DYNLT4: variants seen among roughly 807,000 people sequenced by gnomAD.
The protein encoded by DYNLT4 is dynein light chain Tctex-type 4.
DYNLT4 carries 3 observed loss-of-function variants against 1.5 expected under a neutral mutation model. That is an observed-to-expected ratio of 1.97 (90% CI 0.90 to 5.08). The LOEUF (loss-of-function observed/expected upper bound fraction) is 5.08, where lower values mean the gene tolerates loss of function less well. Among genes scored for constraint, DYNLT4 ranks in the 30% most tolerant of loss-of-function variants. The pLI, the probability that DYNLT4 is intolerant of heterozygous loss-of-function variation, is 0.02. For missense variants in DYNLT4, 346 were observed against 341.0 expected (o/e 1.01, Z -0.12); for synonymous variants, 181 against 160.0 (o/e 1.13, Z -0.99).
chr1:44,807,064 C>G lies in DYNLT4; in HGVS notation c.-66-226G>C, dbSNP rs1387176661. ...TGGACTGTGGAGGCAGAGCCTCCAA[C>G]CCCTAACCAGGAAGGACTGACAGAC... On this transcript the variant is annotated intron_variant, in intron 1 of 2. Coordinates refer to ENST00000339355, the MANE Select transcript of DYNLT4 (RefSeq NM_001377534.1). The G allele has an allele frequency of 3.0e-6, 3 of 985,280 alleles. No individual in the cohort carries two copies. The African/African-American group carries it at 5.2e-5, about 17-fold the overall frequency. 61.0% of individuals were successfully genotyped at this position (985,280 alleles called of 1,614,324 possible).
Position 44,806,591 on chromosome 1 carries a change from C to G in DYNLT4, c.78G>C (p.Val26=), listed in dbSNP as rs1407400268. ...AKDSGRKPSP[V]RPRGCLPSID... Reference sequence around the variant, plus strand: ...TGCTGGGCAGGCAGCCTCGGGGCCGCACCGGTGAGGGTTTCCGCCCGGAGT... The same window carrying G: ...TGCTGGGCAGGCAGCCTCGGGGCCGGACCGGTGAGGGTTTCCGCCCGGAGT... The change falls in exon 3 of 3, where the codon GTG becomes GTC. Residue 26 remains valine, a synonymous_variant. Coordinates refer to ENST00000339355, the MANE Select transcript of DYNLT4 (RefSeq NM_001377534.1). The G allele has an allele frequency of 5.4e-6, 8 of 1,489,338 alleles. No individual in the cohort carries two copies. The highest frequency in any genetic ancestry group is 7.1e-6 in the Non-Finnish European group (8 of 1,122,512). The allele number at this position is 1,489,338 out of a possible 1,614,324, so 92.3% of individuals were successfully genotyped here. A position where few individuals can be genotyped will look rare whatever the true frequency, so the allele number is the denominator to read the frequency against.
intron 1 of DYNLT4, 138 bp downstream of exon 1, chr1:44,807,187 T>G: frequency 5.2e-6 from 5 of 968,734 alleles, no homozygotes; most frequent in African/African-American, 1.8e-5. Flanking sequence ...CACAAAGATC[T>G]CCCCTACACC....
chr1:44,806,219 C>A lies in DYNLT4; in HGVS notation c.450G>T (p.Arg150=), dbSNP rs769272205. 5 of 1,535,806 alleles carry A rather than the reference C, an allele frequency of 3.3e-6. No individual in the cohort carries two copies. In the East Asian group the frequency reaches 1.2e-4, roughly 38 times the overall value. Residue 150 remains arginine (R), a synonymous_variant, in exon 3 of 3, where the codon CGG becomes CGT. Coordinates refer to ENST00000339355, the MANE Select transcript of DYNLT4 (RefSeq NM_001377534.1). The part of the protein sequence containing the change: ...YSSDEAARLV[R]ELCEQVHVRL... ...GAACGTGCACCTGCTCGCAGAGCTCCCGCACCAGCCGCGCGGCCTCGTCGC... is the reference window on the plus strand; with the variant it reads ...GAACGTGCACCTGCTCGCAGAGCTCACGCACCAGCCGCGCGGCCTCGTCGC...
chr1:44,806,493 G>A lies in DYNLT4; in HGVS notation c.176C>T (p.Ala59Val), dbSNP rs746024768. 2.0e-6 allele frequency: 3 copies of A among 1,511,736 alleles called. No homozygotes were observed. Among genetic ancestry groups the A allele is most frequent in the Non-Finnish European group, 2.6e-6 (3 of 1,136,698 alleles). 93.6% of individuals were successfully genotyped at this position (1,511,736 alleles called of 1,614,324 possible). Reference sequence around the variant, plus strand: ...CAGCGAGTTGCGGCGGGAGAAGGACGCGGCCAGGCCCAGCATGGAGCCCCG... The same window carrying A: ...CAGCGAGTTGCGGCGGGAGAAGGACACGGCCAGGCCCAGCATGGAGCCCCG... Reference protein sequence around the residue: ...SRRGSMLGLAASFSRRNSLVG... With the variant: ...SRRGSMLGLAVSFSRRNSLVG... The change falls in exon 3 of 3, where the codon GCG becomes GTG. Residue 59 changes from alanine to valine, a missense_variant. Transcript: ENST00000339355.
At position 44,806,034 on chromosome 1, in the gene DYNLT4, A is replaced by C; in HGVS notation, c.635T>G (p.Val212Gly). 1 of 1,574,876 alleles carries C rather than the reference A, an allele frequency of 6.3e-7. No homozygotes were observed. The highest frequency in any genetic ancestry group is 8.6e-7 in the Non-Finnish European group (1 of 1,157,228). ...GCAGTAGAGCCCGTGGACCGTGGCC[A>C]CCGCGAAGAGCGAGGTGTTGGTGTA... ...VSYTNTSLFAVATVHGLYCE is the reference protein window; with the variant it reads ...VSYTNTSLFAGATVHGLYCE The change falls in exon 3 of 3, where the codon GTG becomes GGG. Residue 212 changes from valine (V) to glycine (G), a missense_variant. Val to Gly is a moderately radical substitution (Grantham distance 109). Coordinates refer to ENST00000339355, the MANE Select transcript of DYNLT4 (RefSeq NM_001377534.1).
chr1:44,806,518 G>A lies in DYNLT4; in HGVS notation c.151C>T (p.Arg51Trp), dbSNP rs1019287691. The A allele has an allele frequency of 4.0e-6, 6 of 1,497,912 alleles. No individual in the cohort carries two copies. Among genetic ancestry groups the A allele is most frequent in the East Asian group, 5.2e-5 (2 of 38,664 alleles). The allele number at this position is 1,497,912 out of a possible 1,614,324, so 92.8% of individuals were successfully genotyped here. A position where few individuals can be genotyped will look rare whatever the true frequency, so the allele number is the denominator to read the frequency against. The change falls in exon 3 of 3, where the codon CGG (arginine) becomes TGG (tryptophan). Residue 51 changes from arginine to tryptophan, a missense_variant. Transcript: ENST00000339355. ...GCGGCCAGGCCCAGCATGGAGCCCC[G>A]GCGCGAGGCCGGGGCTGGACCTGGA... ...AGPGPAPASRRGSMLGLAASF... is the reference protein window; with the variant it reads ...AGPGPAPASRWGSMLGLAASF...
At position 44,806,163 on chromosome 1, in the gene DYNLT4, T is replaced by C; in HGVS notation, c.506A>G (p.Lys169Arg). The C allele has an allele frequency of 2.5e-6, 4 of 1,581,080 alleles. No homozygotes were observed. Among genetic ancestry groups the C allele is most frequent in the Non-Finnish European group, 3.4e-6 (4 of 1,166,016 alleles). The part of the protein sequence containing the change: ...RLRELSPPRY[K>R]LVCSVVLGPR... ...CCCCAGCACCACACTGCATACCAGCTTGTAGCGTGGCGGGCTGAGCTCGCG... is the reference window on the plus strand; with the variant it reads ...CCCCAGCACCACACTGCATACCAGCCTGTAGCGTGGCGGGCTGAGCTCGCG... The change falls in exon 3 of 3, where the codon AAG becomes AGG. Residue 169 changes from lysine (K) to arginine (R), a missense_variant. Transcript: ENST00000339355.
In DYNLT4 at chr1:44,806,326, C is replaced by T. The variant is rs1162392094; in HGVS notation, c.343G>A (p.Gly115Arg). The stretch of plus-strand genomic sequence containing the variant: ...GCACGCGCAGCCTCCCAGCGCTCCC[C>T]GGGCACTGGCTCCGTGCGGTAGGAG... ...APSYRTEPVPGERWEAARAQR... is the reference protein window; with the variant it reads ...APSYRTEPVPRERWEAARAQR... The change falls in exon 3 of 3, where the codon GGG becomes AGG. Residue 115 changes from glycine to arginine, a missense_variant. Transcript: ENST00000339355. 6.0e-6 allele frequency: 9 copies of T among 1,491,374 alleles called. No individual in the cohort carries two copies. In the East Asian group the frequency reaches 7.8e-5, roughly 13 times the overall value. The allele number at this position is 1,491,374 out of a possible 1,614,324, so 92.4% of individuals were successfully genotyped here.
chr1:44,806,420 CG>C lies in DYNLT4; in HGVS notation c.248del (p.Pro83ArgfsTer175). On this transcript the variant is annotated frameshift_variant, in exon 3 of 3. Transcript: ENST00000339355. LOFTEE classifies it low-confidence loss of function (END_TRUNC). ...TGACCCTTGAGCCCAGAGGGGGCAC[CG>C]GGCCCAGGGATGGCCGCTGACCCCC... The part of the protein sequence containing the change: ...GPGGQRPSLG[P>X]VPPLGSRVSF... 2 of 1,515,784 alleles carry C rather than the reference CG, an allele frequency of 1.3e-6. No homozygotes were observed. The highest frequency in any genetic ancestry group is 8.8e-7 in the Non-Finnish European group (1 of 1,138,408). 93.9% of individuals were successfully genotyped at this position (1,515,784 alleles called of 1,614,324 possible). A position where few individuals can be genotyped will look rare whatever the true frequency, so the allele number is the denominator to read the frequency against.
At position 44,806,839 on chromosome 1, in the gene DYNLT4, C is replaced by G; in HGVS notation, c.-66-1G>C. 2 of 985,440 alleles carry G rather than the reference C, an allele frequency of 2.0e-6. No homozygotes were observed. The highest frequency in any genetic ancestry group is 2.4e-6 in the Non-Finnish European group (2 of 829,926). The allele number at this position is 985,440 out of a possible 1,614,324, so 61.0% of individuals were successfully genotyped here. The stretch of plus-strand genomic sequence containing the variant: ...CCCAGGCTGCCTGGGTTCCTAGGTG[C>G]TGAGAAGGTTAAAGGCTGTTAGACA... On this transcript the variant is annotated splice_acceptor_variant, in intron 1 of 2. Coordinates refer to ENST00000339355, the MANE Select transcript of DYNLT4 (RefSeq NM_001377534.1). LOFTEE classifies it low-confidence loss of function (5UTR_SPLICE).
At chr1:44,807,039 T>C (rs1206529954) in intron 1 of DYNLT4, 21 of 985,294 alleles carry the variant, frequency 2.1e-5, no homozygotes, top group Non-Finnish European at 2.5e-5. Flanking sequence ...TGCCTCAGCC[T>C]GGACTGTGGA....
In DYNLT4 at chr1:44,806,207, C is replaced by T. The variant is rs924604083; in HGVS notation, c.462G>A (p.Glu154=). ...EAARLVRELC[E]QVHVRLRELS... is the part of the protein sequence containing the mutation. ...GCTCGCGCAGGCGAACGTGCACCTG[C>T]TCGCAGAGCTCCCGCACCAGCCGCG... The change falls in exon 3 of 3, where the codon GAG becomes GAA. Residue 154 remains glutamate, a synonymous_variant. Coordinates refer to ENST00000339355, the MANE Select transcript of DYNLT4 (RefSeq NM_001377534.1). 67 of 1,541,886 alleles carry T rather than the reference C, an allele frequency of 4.3e-5. No homozygotes were observed. The highest frequency in any genetic ancestry group is 5.5e-5 in the Non-Finnish European group (63 of 1,147,636).
chr1:44,807,223 C>T, intron 1 of DYNLT4, 102 bp downstream of exon 1: 3 of 783,616 alleles, frequency 3.8e-6, no homozygotes, highest in Non-Finnish European at 4.6e-6. Context: ...GCAGATGACT[C>T]ATGAAGCCCC....
chr1:44,806,311 C>A lies in DYNLT4; in HGVS notation c.358G>T (p.Ala120Ser). The A allele has an allele frequency of 3.4e-6, 5 of 1,479,130 alleles. No individual in the cohort carries two copies. Among genetic ancestry groups the A allele is most frequent in the Non-Finnish European group, 4.5e-6 (5 of 1,122,120 alleles). 91.6% of individuals were successfully genotyped at this position (1,479,130 alleles called of 1,614,324 possible). Reference protein sequence around the residue: ...TEPVPGERWEAARAQRALEAA... With the variant: ...TEPVPGERWESARAQRALEAA... ...TCCAGGGCACGCTGTGCACGCGCAGCCTCCCAGCGCTCCCCGGGCACTGGC... is the reference window on the plus strand; with the variant it reads ...TCCAGGGCACGCTGTGCACGCGCAGACTCCCAGCGCTCCCCGGGCACTGGC... Residue 120 changes from alanine to serine, a missense_variant, in exon 3 of 3, where the codon GCT becomes TCT. Transcript: ENST00000339355.
intron 2 of DYNLT4, 31 bp downstream of exon 2, chr1:44,806,753 C>T: frequency 7.3e-7 from 1 of 1,378,848 alleles, no homozygotes; most frequent in Non-Finnish European, 9.3e-7. Context: ...TCAGTGATGT[C>T]AAGGGTTTTT....
chr1:44,807,114 C>T, intron 1 of DYNLT4: 1 of 985,430 alleles, frequency 1.0e-6, no homozygotes, highest in Non-Finnish European at 1.2e-6. Context: ...CCCACAGATC[C>T]TTCCAGCCCT....
In DYNLT4 at chr1:44,806,427, AG is replaced by A; in HGVS notation, c.241del (p.Leu81TrpfsTer177). On this transcript the variant is annotated frameshift_variant, in exon 3 of 3. Coordinates refer to ENST00000339355, the MANE Select transcript of DYNLT4 (RefSeq NM_001377534.1). LOFTEE classifies it low-confidence loss of function (END_TRUNC). ...GAGPGGQRPS[L>X]GPVPPLGSRV... ...TGAGCCCAGAGGGGGCACCGGGCCC[AG>A]GGATGGCCGCTGACCCCCAGGACCC... 1 of 1,517,082 alleles carries A rather than the reference AG, an allele frequency of 6.6e-7. No individual in the cohort carries two copies. The allele number at this position is 1,517,082 out of a possible 1,614,324, so 94.0% of individuals were successfully genotyped here. A position where few individuals can be genotyped will look rare whatever the true frequency, so the allele number is the denominator to read the frequency against.
rs1473435994 is a variant in DYNLT4, at chr1:44,806,439, T to C, written c.230A>G (p.Gln77Arg). Residue 77 changes from glutamine (Q) to arginine (R), a missense_variant, in exon 3 of 3, where the codon CAG becomes CGG. Gln to Arg is a conservative substitution (Grantham distance 43). Transcript: ENST00000339355. ...GGGCACCGGGCCCAGGGATGGCCGC[T>C]GACCCCCAGGACCCGCGCCTGGCCC... is the stretch of plus-strand genomic sequence containing the variant. ...LVGPGAGPGG[Q>R]RPSLGPVPPL... is the part of the protein sequence containing the mutation. 1.3e-6 allele frequency: 2 copies of C among 1,521,600 alleles called. No individual in the cohort carries two copies. Among genetic ancestry groups the C allele is most frequent in the Non-Finnish European group, 1.8e-6 (2 of 1,140,278 alleles). 94.3% of individuals were successfully genotyped at this position (1,521,600 alleles called of 1,614,324 possible).
chr1:44,806,060 G>A lies in DYNLT4; in HGVS notation c.609C>T (p.Ser203=), dbSNP rs1217634261. The change falls in exon 3 of 3, where the codon TCC becomes TCT. Residue 203 remains serine, a synonymous_variant. Transcript: ENST00000339355. ...CCGCGAAGAGCGAGGTGTTGGTGTA[G>A]GAGACCGAGGCCAGCCCATCGCGCG... The part of the protein sequence containing the change: ...DVARDGLASV[S]YTNTSLFAVA... The A allele has an allele frequency of 6.2e-7, 1 of 1,600,280 alleles. No individual in the cohort carries two copies. Among genetic ancestry groups the A allele is most frequent in the East Asian group, 2.2e-5 (1 of 44,572 alleles).
Sources: allele counts gnomAD v4.1 joint callset, GRCh38; gene constraint gnomAD v4.1.1; transcripts MANE v1.5; gene names NCBI Gene and HGNC (gene_info 2026-07-23, HGNC 2026-07-21).